CNTNAP2: variants seen among roughly 807,000 people sequenced by gnomAD.
CNTNAP2 encodes the protein contactin-associated protein-like 2.
In CNTNAP2, 98 loss-of-function variants were observed where a neutral mutation model predicts 155.2. The ratio of observed to expected loss-of-function variants is 0.63; its 90% CI spans 0.54 to 0.75. The LOEUF (loss-of-function observed/expected upper bound fraction) is 0.75, where lower values mean the gene tolerates loss of function less well. Among genes scored for constraint, CNTNAP2 ranks in the 30% least tolerant of loss-of-function variants. The probability of loss-of-function intolerance (pLI) is 0.00; values close to 1 mark genes in which losing one functional copy is unlikely to be tolerated. For missense variants in CNTNAP2, 1,727 were observed against 1,688.1 expected (o/e 1.02, Z -0.40); for synonymous variants, 651 against 631.2 (o/e 1.03, Z -0.47).
intron 1 of CNTNAP2, among the ~76,000 whole-genome samples, chr7:146,265,439 C>A (rs1231350932): frequency 6.9e-6 from 1 of 144,622 alleles, no homozygotes; most frequent in Non-Finnish European, 1.5e-5. Context: ...AGTAGATTTT[C>A]TTTTTTTTTC....
At chr7:147,462,142 A>G (rs966486578) in intron 10 of CNTNAP2, among the ~76,000 whole-genome samples, 2 of 152,144 alleles carry the variant, frequency 1.3e-5, no homozygotes, top group African/African-American at 2.4e-5. Context: ...ACTCAGCTCA[A>G]GCACCACATC....
At chr7:147,942,171 A>C (rs1800735478) in intron 14 of CNTNAP2, among the ~76,000 whole-genome samples, 1 of 152,188 alleles carries the variant, frequency 6.6e-6, no homozygotes, top group Non-Finnish European at 1.5e-5. Flanking sequence ...GAGGTTCAAG[A>C]TCCAATACAA....
chr7:146,608,235 A>G (rs1268732230), intron 1 of CNTNAP2, among the ~76,000 whole-genome samples: 1 of 152,152 alleles, frequency 6.6e-6, no homozygotes, highest in Admixed American at 6.5e-5. Context: ...GTGCAAATAT[A>G]TTGTTCCTTT....
At chr7:146,592,999 G>A (rs754339960) in intron 1 of CNTNAP2, among the ~76,000 whole-genome samples, 10 of 151,764 alleles carry the variant, frequency 6.6e-5, no homozygotes, top group East Asian at 1.9e-4. Flanking sequence ...ATACAGGGTC[G>A]TTCTCGGGGT....
chr7:147,035,719 A>T (rs898430209), intron 3 of CNTNAP2, among the ~76,000 whole-genome samples: 6 of 152,212 alleles, frequency 3.9e-5, no homozygotes, highest in Non-Finnish European at 7.3e-5. Flanking sequence ...TTACATGAAG[A>T]TACAGAGTCT....
intron 9 of CNTNAP2, among the ~76,000 whole-genome samples, chr7:147,357,175 T>C (rs1483301174): frequency 6.6e-6 from 1 of 152,134 alleles, no homozygotes; most frequent in Non-Finnish European, 1.5e-5. Context: ...CCCTTTGTCC[T>C]CTAGCTATTT....
chr7:146,919,348 T>G (rs940183005), intron 3 of CNTNAP2, among the ~76,000 whole-genome samples: 2 of 152,192 alleles, frequency 1.3e-5, no homozygotes, highest in African/African-American at 4.8e-5. Context: ...CAAGGGCTGC[T>G]GTTCAGATTA....
intron 1 of CNTNAP2, among the ~76,000 whole-genome samples, chr7:146,482,978 T>TA (rs1333870557): frequency 3.3e-5 from 5 of 151,514 alleles, no homozygotes; most frequent in Admixed American, 2.6e-4. Context: ...CTGGAAATTT[T>TA]AAAAAAATAT....
chr7:147,592,478 G>T lies in CNTNAP2; in HGVS notation c.1897+30221G>T, dbSNP rs1455464356. On this transcript the variant is annotated intron_variant, in intron 12 of 23. Transcript: ENST00000361727. ...TAATAATTAAAAGTGGTTGTTTCTG[G>T]TTTTTTTTTTTTGCAAATGATTAAG... is the stretch of plus-strand genomic sequence containing the variant. Among the ~76,000 whole-genome samples the T allele has an allele frequency of 1.9e-4, 27 of 143,938 alleles. No individual in the cohort carries two copies. In the East Asian group the frequency reaches 2.6e-3, roughly 14 times the overall value. 94.4% of individuals were successfully genotyped at this position (143,938 alleles called of 152,430 possible).
intron 15 of CNTNAP2, among the ~76,000 whole-genome samples, chr7:148,091,734 A>G (rs1460047623): frequency 6.6e-6 from 1 of 152,176 alleles, no homozygotes; most frequent in Non-Finnish European, 1.5e-5. Flanking sequence ...TACATCTTAT[A>G]TTGAACTGTT....
At chr7:147,515,306 A>G (rs907544378) in intron 11 of CNTNAP2, among the ~76,000 whole-genome samples, 1 of 145,888 alleles carries the variant, frequency 6.9e-6, no homozygotes, top group African/African-American at 2.5e-5. Flanking sequence ...ATTTTTCTTC[A>G]TAGTTCATTA....
At chr7:147,246,528 G>A (rs1398326089) in intron 8 of CNTNAP2, among the ~76,000 whole-genome samples, 3 of 152,088 alleles carry the variant, frequency 2.0e-5, no homozygotes, top group Non-Finnish European at 2.9e-5. Context: ...GTCCTCATAC[G>A]ATGGAAGAGG....
intron 13 of CNTNAP2, among the ~76,000 whole-genome samples, chr7:147,835,843 G>A (rs1278208029): frequency 1.3e-5 from 2 of 152,178 alleles, no homozygotes; most frequent in East Asian, 3.9e-4. Context: ...GAAGACCCAT[G>A]TGAAGAGAGA....
intron 12 of CNTNAP2, among the ~76,000 whole-genome samples, chr7:147,580,215 C>G (rs527999936): frequency 6.6e-6 from 1 of 152,168 alleles, no homozygotes; most frequent in East Asian, 1.9e-4. Context: ...TTTTATATTC[C>G]TTCCCTCAAA....
intron 1 of CNTNAP2, among the ~76,000 whole-genome samples, chr7:146,176,258 T>C (rs537299046): frequency 1.4e-4 from 22 of 152,340 alleles, no homozygotes; most frequent in Non-Finnish European, 3.1e-4. Flanking sequence ...TCATGTTTGA[T>C]AATTTGATAA....
chr7:147,270,927 T>C (rs1053350198), intron 8 of CNTNAP2, among the ~76,000 whole-genome samples: 1 of 152,166 alleles, frequency 6.6e-6, no homozygotes, highest in Non-Finnish European at 1.5e-5. Flanking sequence ...GTAAGTCATT[T>C]TTAGTCCATG....
At chr7:146,260,559 C>A (rs938536360) in intron 1 of CNTNAP2, among the ~76,000 whole-genome samples, 16 of 152,162 alleles carry the variant, frequency 1.1e-4, no homozygotes, top group Admixed American at 3.9e-4. Context: ...GACATGGAGT[C>A]AAAAGAGATT....
intron 8 of CNTNAP2, among the ~76,000 whole-genome samples, chr7:147,219,074 C>A (rs1803337202): frequency 6.6e-6 from 1 of 152,120 alleles, no homozygotes; most frequent in South Asian, 2.1e-4. Flanking sequence ...TTTCTTGCTG[C>A]ATTATCCAAT....
chr7:146,773,121 G>A lies in CNTNAP2; in HGVS notation c.98-1150G>A, dbSNP rs557761000. ...GGGACGGTAGACTCAGAACAGTCCT[G>A]GCCACGTTAACATTAGAAGCACTTA... On this transcript the variant is annotated intron_variant, in intron 1 of 23. Transcript: ENST00000361727. 5.5e-4 allele frequency among the ~76,000 whole-genome samples: 83 copies of A among 152,082 alleles called. No individual in the cohort carries two copies. In the South Asian group the frequency reaches 0.016, roughly 30 times the overall value.
Sources: allele counts gnomAD v4.1 joint callset (sites outside exome capture counted in the v4.1 genomes callset), GRCh38; gene constraint gnomAD v4.1.1; transcripts MANE v1.5; gene names NCBI Gene and HGNC (gene_info 2026-07-23, HGNC 2026-07-21).